Variants in ACVR1 observed in about 807,000 individuals in gnomAD.
The protein encoded by ACVR1 is activin receptor type-1.
A neutral mutation model predicts 57.1 loss-of-function variants in ACVR1; 38 were observed. The observed-to-expected ratio is 0.67, with a 90% confidence interval of 0.51 to 0.87. The LOEUF is 0.87. ACVR1 is among the 40% of genes least tolerant of loss of function. ACVR1 has a pLI of 0.00. For synonymous variants in ACVR1, 212 were observed against 228.1 expected (o/e 0.93, Z 0.63); for missense variants, 463 against 638.2 (o/e 0.73, Z 2.96).
At chr2:157,763,658 G>A (rs1043550623) in intron 8 of ACVR1, among the ~76,000 whole-genome samples, 4 of 152,088 alleles carry the variant, frequency 2.6e-5, no homozygotes, top group Admixed American at 6.5e-5. Flanking sequence ...GTAGATCGAG[G>A]CTGCAGTGAC....
At chr2:157,863,336 C>CTCT (rs1689795689) in intron 1 of ACVR1, among the ~76,000 whole-genome samples, 1 of 35,676 alleles carries the variant, frequency 2.8e-5, no homozygotes, top group Non-Finnish European at 4.8e-5. Flanking sequence ...AATTGTTTCT[C>CTCT]TTTTTTTTTT....
At chr2:157,853,811 C>T (rs1014121022) in intron 1 of ACVR1, among the ~76,000 whole-genome samples, 5 of 152,232 alleles carry the variant, frequency 3.3e-5, no homozygotes, top group African/African-American at 1.2e-4. Context: ...GTACTATGCT[C>T]TTCTTATGCC....
At chr2:157,815,092 AAAAT>A (rs1278782135) in intron 2 of ACVR1, among the ~76,000 whole-genome samples, 1 of 152,222 alleles carries the variant, frequency 6.6e-6, no homozygotes, top group Non-Finnish European at 1.5e-5. Context: ...CCGTCTCAAA[AAAAT>A]AAATAAATAA....
At position 157,871,874 on chromosome 2, in the gene ACVR1, C is replaced by T. The variant is rs187928164; in HGVS notation, c.-183+3922G>A. Among the ~76,000 whole-genome samples, 728 of 152,272 alleles carry T rather than the reference C, an allele frequency of 4.8e-3. 4 individuals carry two copies. The highest frequency in any genetic ancestry group is 0.026 in the South Asian group (126 of 4,828). ...AGTGTGAGTTCAAGCAAAACTACCT[C>T]CCATCTGAACCAAAGGCTGTGATGT... On this transcript the variant is annotated intron_variant, in intron 1 of 10. Transcript: ENST00000434821.
chr2:157,855,298 GTGTGTGTGTGTA>G (rs1455990187), intron 1 of ACVR1, among the ~76,000 whole-genome samples: 2 of 70,128 alleles, frequency 2.9e-5, no homozygotes, highest in Middle Eastern at 6.9e-3. Flanking sequence ...GTGTGTGTGT[GTGTGTGTGTGTA>G]TATATATATA....
At chr2:157,872,853 T>C (rs945683936) in intron 1 of ACVR1, among the ~76,000 whole-genome samples, 3 of 152,164 alleles carry the variant, frequency 2.0e-5, no homozygotes, top group Admixed American at 2.0e-4. Context: ...CATCACCCAA[T>C]CCAAAAACCA....
chr2:157,787,384 A>C (rs1000836023), intron 3 of ACVR1, among the ~76,000 whole-genome samples: 1 of 152,170 alleles, frequency 6.6e-6, no homozygotes, highest in Non-Finnish European at 1.5e-5. Context: ...TGGAGAAACA[A>C]AGGATTACAA....
At chr2:157,770,676 A>T (rs930023786) in intron 6 of ACVR1, among the ~76,000 whole-genome samples, 162 bp from the exon 7 acceptor site, 9 of 151,604 alleles carry the variant, frequency 5.9e-5, no homozygotes, top group East Asian at 3.9e-4. Flanking sequence ...TTTATTTTTT[A>T]TTTTTTTTGG....
At chr2:157,785,477 G>T (rs1686680465) in intron 3 of ACVR1, among the ~76,000 whole-genome samples, 2 of 152,326 alleles carry the variant, frequency 1.3e-5, no homozygotes, top group South Asian at 4.1e-4. Context: ...ATTTTGCAAT[G>T]CTAGGTATCA....
chr2:157,865,488 T>C (rs947525729), intron 1 of ACVR1, among the ~76,000 whole-genome samples: 4 of 152,136 alleles, frequency 2.6e-5, no homozygotes, highest in African/African-American at 9.7e-5. Flanking sequence ...AGATGATTGA[T>C]AGATAGATAG....
intron 1 of ACVR1, among the ~76,000 whole-genome samples, chr2:157,845,746 G>A (rs571524192): frequency 1.3e-5 from 2 of 152,170 alleles, no homozygotes; most frequent in Non-Finnish European, 2.9e-5. Flanking sequence ...GCATGCTGCT[G>A]CATCCATGAT....
At chr2:157,816,198 A>C (rs1248151188) in intron 2 of ACVR1, among the ~76,000 whole-genome samples, 1 of 152,234 alleles carries the variant, frequency 6.6e-6, no homozygotes, top group Non-Finnish European at 1.5e-5. Flanking sequence ...TGTAAATGGG[A>C]AAGTTTGTAT....
At chr2:157,826,359 T>C (rs1052646199) in intron 1 of ACVR1, among the ~76,000 whole-genome samples, 7 of 151,918 alleles carry the variant, frequency 4.6e-5, no homozygotes, top group Non-Finnish European at 1.0e-4. Context: ...ATGAATGAAG[T>C]TTAAAATTAT....
intron 9 of ACVR1, among the ~76,000 whole-genome samples, chr2:157,750,013 G>A (rs1685120976): frequency 6.6e-6 from 1 of 152,320 alleles, no homozygotes; most frequent in South Asian, 2.1e-4. Context: ...CCTTCTGGGG[G>A]ATTGAGGATG....
At chr2:157,816,754 C>T (rs1182650999) in intron 2 of ACVR1, among the ~76,000 whole-genome samples, 2 of 152,250 alleles carry the variant, frequency 1.3e-5, no homozygotes, top group Middle Eastern at 3.4e-3. Flanking sequence ...AGAATTTAAT[C>T]CCCAATCCCT....
At chr2:157,853,325 TAACA>T (rs1443974474) in intron 1 of ACVR1, among the ~76,000 whole-genome samples, 1 of 152,150 alleles carries the variant, frequency 6.6e-6, no homozygotes, top group Non-Finnish European at 1.5e-5. Flanking sequence ...TCTTCCTGGC[TAACA>T]GGGGCAGCCT....
At chr2:157,805,994 T>C (rs1316916540) in intron 2 of ACVR1, among the ~76,000 whole-genome samples, 3 of 151,764 alleles carry the variant, frequency 2.0e-5, no homozygotes, top group Non-Finnish European at 2.9e-5. Flanking sequence ...TGACTAATTA[T>C]TTTTGTATTT....
At chr2:157,738,178 C>T (rs544245427) in intron 10 of ACVR1, among the ~76,000 whole-genome samples, 2 of 152,208 alleles carry the variant, frequency 1.3e-5, no homozygotes, top group East Asian at 3.9e-4. Flanking sequence ...ATGAGTCTCC[C>T]GATTCCTGAA....
chr2:157,865,557 C>T (rs1489179530), intron 1 of ACVR1, among the ~76,000 whole-genome samples: 1 of 151,898 alleles, frequency 6.6e-6, no homozygotes, highest in Non-Finnish European at 1.5e-5. Context: ...TTTGGGAGGC[C>T]GAGGCGGGCA....
Sources: allele counts gnomAD v4.1 joint callset (sites outside exome capture counted in the v4.1 genomes callset), GRCh38; gene constraint gnomAD v4.1.1; transcripts MANE v1.5; gene names NCBI Gene and HGNC (gene_info 2026-07-23, HGNC 2026-07-21).